NPL: variants seen among roughly 807,000 people sequenced by gnomAD.
The protein encoded by NPL is N-acetylneuraminate lyase.
In NPL, 32 loss-of-function variants were observed where a neutral mutation model predicts 41.1. The ratio of observed to expected loss-of-function variants is 0.78; its 90% confidence interval spans 0.59 to 1.05. NPL has a LOEUF of 1.05. Among genes scored for constraint, NPL ranks in the 50% least tolerant of loss-of-function variants. The pLI, the probability that NPL is intolerant of heterozygous loss-of-function variation, is 0.00. For synonymous variants in NPL, 128 were observed against 134.9 expected, an observed-to-expected ratio of 0.95 and a Z score of 0.35; for missense variants, 321 against 378.4, an observed-to-expected ratio of 0.85 and a Z score of 1.26.
intron 3 of NPL, among the ~76,000 whole-genome samples, chr1:182,803,291 T>C (rs938209598): frequency 2.0e-5 from 3 of 152,178 alleles, no homozygotes; most frequent in Admixed American, 6.5e-5. Context: ...TGGGATCAAA[T>C]GGCAAATGTT....
At chr1:182,795,383 A>G (rs1666631388) in intron 3 of NPL, among the ~76,000 whole-genome samples, 1 of 152,248 alleles carries the variant, frequency 6.6e-6, no homozygotes, top group African/African-American at 2.4e-5. Flanking sequence ...TAGGTCAAAA[A>G]GTTTGAACTG....
chr1:182,812,334 G>A, intron 6 of NPL, 121 bp downstream of exon 6: 2 of 850,264 alleles, frequency 2.4e-6, no homozygotes, highest in South Asian at 2.8e-5. Context: ...TAAGGTGTGG[G>A]ATCTCAGGGG....
intron 3 of NPL, among the ~76,000 whole-genome samples, chr1:182,796,181 A>AAAAAAAAAAAAAT (rs1666660924): frequency 6.6e-6 from 1 of 151,834 alleles, no homozygotes; most frequent in Admixed American, 6.6e-5. Flanking sequence ...AAAAAAAAAA[A>AAAAAAAAAAAAAT]AAAAAGAATG....
At chr1:182,823,152 T>C (rs1381177370) in intron 11 of NPL, among the ~76,000 whole-genome samples, 1 of 152,094 alleles carries the variant, frequency 6.6e-6, no homozygotes, top group African/African-American at 2.4e-5. Flanking sequence ...CAGGATAGTA[T>C]AAGTGGTTGA....
chr1:182,790,492 T>A (rs1241878841), intron 1 of NPL, among the ~76,000 whole-genome samples: 1 of 152,214 alleles, frequency 6.6e-6, no homozygotes, highest in East Asian at 1.9e-4. Context: ...CATTCCCAAG[T>A]TTATCTAAAA....
chr1:182,824,080 G>T (rs757307075), intron 11 of NPL, among the ~76,000 whole-genome samples: 1 of 152,186 alleles, frequency 6.6e-6, no homozygotes, highest in Non-Finnish European at 1.5e-5. Context: ...ATGTACTTAA[G>T]TGCCATCTGT....
intron 10 of NPL, among the ~76,000 whole-genome samples, chr1:182,821,684 G>T (rs1407081277): frequency 6.6e-6 from 1 of 152,076 alleles, no homozygotes; most frequent in African/African-American, 2.4e-5. Flanking sequence ...AAGGAATATA[G>T]GTAATTTATT....
At chr1:182,790,616 G>GTTGTT (rs781512938) in intron 1 of NPL, among the ~76,000 whole-genome samples, 2 of 78,500 alleles carry the variant, frequency 2.5e-5, no homozygotes, top group Non-Finnish European at 4.5e-5. Flanking sequence ...AAAGTCTTTT[G>GTTGTT]TTGTTGTTGT....
chr1:182,811,589 T>C (rs1014658891), intron 5 of NPL, among the ~76,000 whole-genome samples: 3 of 152,190 alleles, frequency 2.0e-5, no homozygotes, highest in Non-Finnish European at 4.4e-5. Context: ...TTTGTAAGCA[T>C]GTATATAAGA....
chr1:182,829,890 A>G lies in NPL; in HGVS notation c.*982A>G. ...TTTTCTTTCTGTGTAATGTATCAAC[A>G]ACTGTTTAATCTCCCTTCTAACAAA... is the stretch of plus-strand genomic sequence containing the variant. On this transcript the variant is annotated 3_prime_UTR_variant, in exon 13 of 13. Transcript: ENST00000367553. 6.6e-6 allele frequency: 3 copies of G among 456,418 alleles called. No homozygotes were observed. The South Asian group carries it at 1.3e-4, about 19-fold the overall frequency. 28.3% of individuals were successfully genotyped at this position (456,418 alleles called of 1,614,324 possible).
At chr1:182,793,251 G>T (rs1341626414) in intron 2 of NPL, among the ~76,000 whole-genome samples, 1 of 152,184 alleles carries the variant, frequency 6.6e-6, no homozygotes, top group Non-Finnish European at 1.5e-5. Flanking sequence ...GTTGAACCAG[G>T]TGGTCTGCCT....
intron 2 of NPL, among the ~76,000 whole-genome samples, chr1:182,794,134 G>T (rs1666590901): frequency 2.0e-5 from 3 of 152,126 alleles, no homozygotes; most frequent in African/African-American, 7.2e-5. Context: ...GCTAAAATGG[G>T]AGACTGTCCA....
In NPL at chr1:182,828,403, G is replaced by T. The variant is rs2102573945; in HGVS notation, c.779-321G>T. ...TCAGATTATCCTCAAGGGCTGTTTGGCATCAGCTTCTCCTCACCCTTCTGA... is the reference window on the plus strand; with the variant it reads ...TCAGATTATCCTCAAGGGCTGTTTGTCATCAGCTTCTCCTCACCCTTCTGA... On this transcript the variant is annotated intron_variant, in intron 12 of 12. Transcript: ENST00000367553. This position sits in a 1 kb window ranked among gnomAD's most constrained non-coding sequence, Gnocchi z 4.0. Among the ~76,000 whole-genome samples, 1 of 152,212 alleles carries T rather than the reference G, an allele frequency of 6.6e-6. No homozygotes were observed. The highest frequency in any genetic ancestry group is 2.4e-5 in the African/African-American group (1 of 41,510).
At chr1:182,791,158 T>C (rs1000112665) in intron 1 of NPL, 1 of 152,140 alleles carries the variant, frequency 6.6e-6, no homozygotes, top group African/African-American at 2.4e-5. Flanking sequence ...ATTCTGAGGT[T>C]TAAGAAATTA....
At chr1:182,808,734 T>A (rs776894201) in intron 5 of NPL, among the ~76,000 whole-genome samples, 5 of 151,908 alleles carry the variant, frequency 3.3e-5, no homozygotes, top group Non-Finnish European at 7.4e-5. Flanking sequence ...GCAGGCAGAT[T>A]GCTTAAGCCC....
At chr1:182,805,794 T>C (rs1207447219) in intron 4 of NPL, among the ~76,000 whole-genome samples, 2 of 152,234 alleles carry the variant, frequency 1.3e-5, no homozygotes, top group East Asian at 1.9e-4. Flanking sequence ...GACATCCTGG[T>C]ACTAGATAGT....
chr1:182,818,162 ATCTC>A (rs1667387915), intron 8 of NPL, among the ~76,000 whole-genome samples: 1 of 152,222 alleles, frequency 6.6e-6, no homozygotes, highest in Non-Finnish European at 1.5e-5. Context: ...AGATGCTTCT[ATCTC>A]TCAGGAAATT....
intron 2 of NPL, among the ~76,000 whole-genome samples, chr1:182,793,349 T>C (rs751716658): frequency 1.3e-5 from 2 of 152,208 alleles, no homozygotes; most frequent in Non-Finnish European, 2.9e-5. Context: ...AGGTACACTC[T>C]CTGCCAGATG....
chr1:182,825,861 C>G, intron 12 of NPL, 41 bp downstream of exon 12: 1 of 1,485,260 alleles, frequency 6.7e-7, no homozygotes, highest in Non-Finnish European at 9.4e-7. Context: ...CTGCTGGAGA[C>G]TGTAAAGAAA....
Sources: allele counts gnomAD v4.1 joint callset (sites outside exome capture counted in the v4.1 genomes callset), GRCh38; gene constraint gnomAD v4.1.1; non-coding constraint Gnocchi (gnomAD v3.1); transcripts MANE v1.5; gene names NCBI Gene and HGNC (gene_info 2026-07-23, HGNC 2026-07-21).